REC114: variants seen among roughly 807,000 people sequenced by gnomAD.
REC114 encodes meiotic recombination protein REC114.
Under a neutral mutation model 31.3 loss-of-function variants are expected in REC114, and 27 were observed. The observed-to-expected ratio is 0.86, with a 90% CI of 0.64 to 1.19. The LOEUF (loss-of-function observed/expected upper bound fraction) is 1.19. Among genes scored for constraint, REC114 ranks in the 50% most tolerant of loss-of-function variants. The pLI is 0.00. For missense variants in REC114, 344 were observed against 326.9 expected (o/e 1.05, Z -0.40); for synonymous variants, 134 against 127.7 (o/e 1.05, Z -0.33).
At chr15:73,456,294 T>C (rs2151252775) in intron 1 of REC114, among the ~76,000 whole-genome samples, 1 of 152,236 alleles carries the variant, frequency 6.6e-6, no homozygotes. Context: ...TTTCAAGGAT[T>C]TCTCAGACAT....
intron 1 of REC114, among the ~76,000 whole-genome samples, chr15:73,464,136 C>T (rs1046340735): frequency 1.3e-5 from 2 of 151,952 alleles, no homozygotes; most frequent in African/African-American, 4.8e-5. Flanking sequence ...ATCTTTGCTC[C>T]GTGTATCTTG....
intron 2 of REC114, among the ~76,000 whole-genome samples, chr15:73,537,044 CAAT>C (rs1164107055): frequency 6.6e-6 from 1 of 152,156 alleles, no homozygotes; most frequent in African/African-American, 2.4e-5. Flanking sequence ...TTTATTCACT[CAAT>C]AAACTTATTG....
intron 2 of REC114, among the ~76,000 whole-genome samples, chr15:73,487,716 G>T (rs1893389768): frequency 6.6e-6 from 1 of 152,228 alleles, no homozygotes; most frequent in Non-Finnish European, 1.5e-5. Context: ...TCACACTCTG[G>T]TGGCTCTACA....
At chr15:73,469,659 G>A (rs977716515) in intron 1 of REC114, among the ~76,000 whole-genome samples, 6 of 149,524 alleles carry the variant, frequency 4.0e-5, no homozygotes, top group Admixed American at 4.0e-4. Context: ...CAAATTCCTG[G>A]CCTTAGGCAA....
intron 1 of REC114, among the ~76,000 whole-genome samples, chr15:73,448,107 T>A (rs1892792941): frequency 6.6e-6 from 1 of 151,806 alleles, no homozygotes; most frequent in Non-Finnish European, 1.5e-5. Flanking sequence ...TTGTTTTTTT[T>A]TTTTCACACG....
At chr15:73,539,457 C>CTTTT (rs58815458) in intron 2 of REC114, among the ~76,000 whole-genome samples, 3 of 104,280 alleles carry the variant, frequency 2.9e-5, no homozygotes, top group African/African-American at 4.3e-5. Context: ...CGCCCGGCTA[C>CTTTT]TTTTTTTTTT....
intron 2 of REC114, among the ~76,000 whole-genome samples, chr15:73,494,776 C>G (rs377367590): frequency 3.9e-5 from 6 of 152,166 alleles, no homozygotes; most frequent in African/African-American, 1.4e-4. Context: ...TATAGTGGAT[C>G]AGACAGATGA....
chr15:73,530,997 A>G (rs935880889), intron 2 of REC114, among the ~76,000 whole-genome samples: 2 of 152,176 alleles, frequency 1.3e-5, no homozygotes, highest in East Asian at 1.9e-4. Flanking sequence ...TTTCCTCTGA[A>G]TCAGGGTTTT....
intron 2 of REC114, among the ~76,000 whole-genome samples, chr15:73,487,084 G>T (rs1893381435): frequency 6.6e-6 from 1 of 151,848 alleles, no homozygotes; most frequent in Admixed American, 6.6e-5. Context: ...CATTTATGAG[G>T]GCCCTGCCCT....
chr15:73,504,262 C>G (rs1205803274), intron 2 of REC114, among the ~76,000 whole-genome samples: 1 of 152,068 alleles, frequency 6.6e-6, no homozygotes, highest in Non-Finnish European at 1.5e-5. Flanking sequence ...CTCAGCCTCC[C>G]AAAGTGCTGG....
intron 2 of REC114, among the ~76,000 whole-genome samples, chr15:73,531,849 A>G (rs1894087249): frequency 6.6e-6 from 1 of 152,098 alleles, no homozygotes; most frequent in African/African-American, 2.4e-5. Flanking sequence ...ACCTGACACC[A>G]TTGACAAGTT....
intron 2 of REC114, among the ~76,000 whole-genome samples, chr15:73,482,526 A>T (rs951541786): frequency 1.3e-5 from 2 of 152,200 alleles, no homozygotes; most frequent in Non-Finnish European, 2.9e-5. Flanking sequence ...TTTTCTTCAT[A>T]AATTACCCAG....
chr15:73,463,249 GGTT>G (rs1893015252), intron 1 of REC114, among the ~76,000 whole-genome samples: 1 of 152,072 alleles, frequency 6.6e-6, no homozygotes, highest in African/African-American at 2.4e-5. Context: ...TAAGAAATCA[GGTT>G]GTTCTACAGA....
At chr15:73,527,391 G>A (rs1331498929) in intron 2 of REC114, among the ~76,000 whole-genome samples, 2 of 152,176 alleles carry the variant, frequency 1.3e-5, no homozygotes, top group Non-Finnish European at 2.9e-5. Context: ...GCCCTGCCCT[G>A]AAAACTGCAG....
At chr15:73,461,454 C>G (rs1892986347) in intron 1 of REC114, among the ~76,000 whole-genome samples, 1 of 152,076 alleles carries the variant, frequency 6.6e-6, no homozygotes, top group Admixed American at 6.5e-5. Flanking sequence ...TGATCTAGTA[C>G]ATAATTTAAT....
chr15:73,501,560 T>C (rs1191857637), intron 2 of REC114, among the ~76,000 whole-genome samples: 2 of 152,152 alleles, frequency 1.3e-5, no homozygotes, highest in Admixed American at 1.3e-4. Flanking sequence ...GTCTCATGTC[T>C]CAGCCTCCAA....
In REC114 at chr15:73,443,214, G is replaced by A. The variant is rs774454922; in HGVS notation, c.29G>A (p.Ser10Asn). MAEAGKVPL[S>N]LGLTGGEAAE... Reference sequence around the variant, plus strand: ...GCGGAGGCAGGAAAAGTGCCCTTGAGCCTCGGGCTTACCGGAGGAGAAGCG... The same window carrying A: ...GCGGAGGCAGGAAAAGTGCCCTTGAACCTCGGGCTTACCGGAGGAGAAGCG... The change falls in exon 1 of 6, where the codon AGC (serine) becomes AAC (asparagine). Residue 10 changes from serine to asparagine, a missense_variant. Transcript: ENST00000331090. 3 of 1,575,368 alleles carry A rather than the reference G, an allele frequency of 1.9e-6. No individual in the cohort carries two copies. Among genetic ancestry groups the A allele is most frequent in the Admixed American group, 1.9e-5 (1 of 53,812 alleles).
At chr15:73,478,124 TGTG>T (rs893364170) in intron 2 of REC114, among the ~76,000 whole-genome samples, 9 of 151,800 alleles carry the variant, frequency 5.9e-5, no homozygotes, top group African/African-American at 9.7e-5. Flanking sequence ...ACTAGCCTGG[TGTG>T]GTGGTGGGCA....
chr15:73,486,740 G>A (rs1360276079), intron 2 of REC114, among the ~76,000 whole-genome samples: 1 of 152,104 alleles, frequency 6.6e-6, no homozygotes, highest in African/African-American at 2.4e-5. Context: ...GAACATAAGA[G>A]AGGTACTCTA....
Sources: allele counts gnomAD v4.1 joint callset (sites outside exome capture counted in the v4.1 genomes callset), GRCh38; gene constraint gnomAD v4.1.1; transcripts MANE v1.5; gene names NCBI Gene and HGNC (gene_info 2026-07-23, HGNC 2026-07-21).